CCDC85A: variants seen among roughly 807,000 people sequenced by gnomAD.
CCDC85A encodes coiled-coil domain-containing protein 85A.
In CCDC85A, 38 loss-of-function variants were observed where a neutral mutation model predicts 50.2. The observed-to-expected ratio is 0.76, with a 90% CI of 0.58 to 0.99. CCDC85A has a LOEUF of 0.99. Ranked by LOEUF, CCDC85A falls within the 50% of genes least tolerant of loss-of-function variation. The probability of loss-of-function intolerance (pLI) is 0.00; values close to 1 mark genes in which losing one functional copy is unlikely to be tolerated. For missense variants in CCDC85A, 820 were observed against 742.0 expected, an observed-to-expected ratio of 1.11 and a Z score of -1.22; for synonymous variants, 366 against 301.4, an observed-to-expected ratio of 1.21 and a Z score of -2.22.
intron 2 of CCDC85A, among the ~76,000 whole-genome samples, chr2:56,284,975 C>G (rs2104117066): frequency 6.6e-6 from 1 of 152,160 alleles, no homozygotes; most frequent in Admixed American, 6.5e-5. Context: ...TACTTTGACC[C>G]CATATATATG....
chr2:56,196,076 C>T (rs940184713), intron 2 of CCDC85A, among the ~76,000 whole-genome samples: 1 of 152,116 alleles, frequency 6.6e-6, no homozygotes, highest in African/African-American at 2.4e-5. Flanking sequence ...AAATATTGAA[C>T]TCATTCAAGA....
chr2:56,268,611 A>G (rs982171207), intron 2 of CCDC85A, among the ~76,000 whole-genome samples: 3 of 144,690 alleles, frequency 2.1e-5, no homozygotes, highest in Non-Finnish European at 4.6e-5. Flanking sequence ...AAAAAAAAAG[A>G]AAAGAAAAGA....
At chr2:56,337,089 G>A (rs1364347592) in intron 2 of CCDC85A, among the ~76,000 whole-genome samples, 4 of 152,204 alleles carry the variant, frequency 2.6e-5, no homozygotes, top group Non-Finnish European at 4.4e-5. Flanking sequence ...TGTGGCAGAA[G>A]TTGAATTAGA....
intron 2 of CCDC85A, among the ~76,000 whole-genome samples, chr2:56,335,161 G>A (rs1674009761): frequency 6.6e-6 from 1 of 152,080 alleles, no homozygotes; most frequent in South Asian, 2.1e-4. Flanking sequence ...TTATACTTGT[G>A]GAGTTAATAT....
At chr2:56,327,542 C>G (rs982171755) in intron 2 of CCDC85A, among the ~76,000 whole-genome samples, 8 of 152,106 alleles carry the variant, frequency 5.3e-5, no homozygotes, top group African/African-American at 1.9e-4. Context: ...TATGCTAAAT[C>G]AGTATGGTTG....
intron 2 of CCDC85A, among the ~76,000 whole-genome samples, chr2:56,327,610 G>T (rs571107159): frequency 6.6e-6 from 1 of 152,138 alleles, no homozygotes; most frequent in African/African-American, 2.4e-5. Flanking sequence ...CGGTGTCTTA[G>T]TAGTATAGTT....
At chr2:56,234,952 G>A (rs533899082) in intron 2 of CCDC85A, among the ~76,000 whole-genome samples, 84 of 152,216 alleles carry the variant, frequency 5.5e-4, no homozygotes, top group Non-Finnish European at 6.3e-4. Flanking sequence ...ATAAGCCTGC[G>A]TATAAATGAG....
chr2:56,265,275 T>C (rs1670388355), intron 2 of CCDC85A, among the ~76,000 whole-genome samples: 1 of 152,224 alleles, frequency 6.6e-6, no homozygotes, highest in Non-Finnish European at 1.5e-5. Flanking sequence ...TTGAACAAAC[T>C]AACTAGAGTA....
chr2:56,185,795 G>A (rs1363759530), intron 1 of CCDC85A: 1 of 152,366 alleles, frequency 6.6e-6, no homozygotes, highest in East Asian at 1.9e-4. Context: ...GAACCGCCCT[G>A]CTGGCGAGCA....
At chr2:56,198,182 C>T (rs1318250266) in intron 2 of CCDC85A, among the ~76,000 whole-genome samples, 3 of 152,168 alleles carry the variant, frequency 2.0e-5, no homozygotes, top group African/African-American at 2.4e-5. Context: ...TTCTCTGAAG[C>T]GGGATTGTCT....
intron 2 of CCDC85A, among the ~76,000 whole-genome samples, chr2:56,215,267 CTTG>C (rs1384383194): frequency 2.6e-5 from 4 of 151,828 alleles, no homozygotes; most frequent in African/African-American, 7.3e-5. Flanking sequence ...AAAAGGTTTT[CTTG>C]TTGTTGGCGG....
At position 56,273,554 on chromosome 2, in the gene CCDC85A, GATTA is replaced by G. The variant is rs368287119; in HGVS notation, c.1241-69320_1241-69317del. Among the ~76,000 whole-genome samples the G allele has an allele frequency of 9.3e-4, 141 of 152,086 alleles. 7 individuals carry two copies. The South Asian group carries it at 0.028, about 30-fold the overall frequency. On this transcript the variant is annotated intron_variant, in intron 2 of 5. Transcript: ENST00000407595. ...CATGAAAATGATCAATCAAGTATGA[GATTA>G]ATTATATTTTCAGAAATAAAAATAT... is the stretch of plus-strand genomic sequence containing the variant.
At chr2:56,332,727 A>G (rs920941683) in intron 2 of CCDC85A, among the ~76,000 whole-genome samples, 1 of 121,004 alleles carries the variant, frequency 8.3e-6, no homozygotes, top group African/African-American at 3.2e-5. Context: ...TACCTTTTTG[A>G]GCCTGGTGAA....
chr2:56,186,094 G>T (rs1382343429), intron 1 of CCDC85A, among the ~76,000 whole-genome samples: 1 of 152,210 alleles, frequency 6.6e-6, no homozygotes, highest in Non-Finnish European at 1.5e-5. Flanking sequence ...GCTGGGCCCA[G>T]TTCAGGTGGA....
chr2:56,265,130 C>A (rs192216091), intron 2 of CCDC85A, among the ~76,000 whole-genome samples: 13 of 152,180 alleles, frequency 8.5e-5, no homozygotes, highest in African/African-American at 2.9e-4. Flanking sequence ...ATGCTCCTGG[C>A]ATTCCCAAGC....
At chr2:56,377,828 C>T (rs1196279709) in intron 5 of CCDC85A, among the ~76,000 whole-genome samples, 1 of 149,424 alleles carries the variant, frequency 6.7e-6, no homozygotes, top group Non-Finnish European at 1.5e-5. Context: ...GCAGAGGTTG[C>T]AGTGAGCCGA....
chr2:56,347,938 T>TA (rs1674711497), intron 3 of CCDC85A, among the ~76,000 whole-genome samples: 1 of 152,182 alleles, frequency 6.6e-6, no homozygotes, highest in Non-Finnish European at 1.5e-5. Flanking sequence ...GAAAATATCT[T>TA]TAAATGGATG....
At chr2:56,228,922 T>C (rs985474237) in intron 2 of CCDC85A, among the ~76,000 whole-genome samples, 1 of 152,212 alleles carries the variant, frequency 6.6e-6, no homozygotes, top group African/African-American at 2.4e-5. Flanking sequence ...AAACTTCCAT[T>C]TATTGGACAA....
intron 3 of CCDC85A, among the ~76,000 whole-genome samples, chr2:56,360,897 CA>C (rs1297395174): frequency 6.6e-6 from 1 of 152,186 alleles, no homozygotes; most frequent in Non-Finnish European, 1.5e-5. Context: ...AATATTTATT[CA>C]GTGATAGATA....
Sources: gnomAD v4.1 joint callset for allele counts (sites outside exome capture counted in the v4.1 genomes callset) on GRCh38, gnomAD v4.1.1 for gene constraint, MANE v1.5 for transcripts, NCBI Gene and HGNC (gene_info 2026-07-23, HGNC 2026-07-21) for gene names.